TMEM229B: variants seen among roughly 807,000 people sequenced by gnomAD.
TMEM229B encodes the protein transmembrane protein 229B.
TMEM229B carries 6 observed loss-of-function variants against 13.7 expected under a neutral mutation model. That is an observed-to-expected ratio of 0.44 (90% confidence interval 0.24 to 0.86). The LOEUF (loss-of-function observed/expected upper bound fraction) is 0.86. TMEM229B is among the 40% of genes least tolerant of loss of function. The pLI, the probability that TMEM229B is intolerant of heterozygous loss-of-function variation, is 0.23. For synonymous variants in TMEM229B, 107 were observed against 102.1 expected (o/e 1.05, Z -0.29); for missense variants, 170 against 236.0 (o/e 0.72, Z 1.83).
chr14:67,531,309 T>C (rs1355502976), intron 1 of TMEM229B, among the ~76,000 whole-genome samples: 4 of 152,066 alleles, frequency 2.6e-5, no homozygotes. Flanking sequence ...CAACAAAAGT[T>C]GTAACTTGCC....
At chr14:67,517,180 G>C (rs763829906), upstream of TMEM229B, among the ~76,000 whole-genome samples, 22 of 152,158 alleles carry the variant, frequency 1.4e-4, no homozygotes, top group Non-Finnish European at 3.1e-4. Context: ...CTAGCAGCAA[G>C]GCCTACCTGA....
intron 1 of TMEM229B, among the ~76,000 whole-genome samples, chr14:67,530,494 C>G (rs2033428258): frequency 1.3e-5 from 2 of 152,140 alleles, no homozygotes; most frequent in South Asian, 2.1e-4. Context: ...AACATTCCAG[C>G]CTAAACCATG....
At chr14:67,496,216 C>CTATT (rs577563318) in intron 1 of TMEM229B, among the ~76,000 whole-genome samples, 2 of 151,720 alleles carry the variant, frequency 1.3e-5, no homozygotes, top group African/African-American at 2.4e-5. Context: ...AATTTTGTAT[C>CTATT]TATTTATTTA....
At chr14:67,505,637 G>C (rs541748123) in intron 1 of TMEM229B, among the ~76,000 whole-genome samples, 1 of 152,240 alleles carries the variant, frequency 6.6e-6, no homozygotes, top group African/African-American at 2.4e-5. Context: ...TTAGCTGAAA[G>C]AGGCTAGAGG....
At chr14:67,496,391 G>GT (rs555715850) in intron 1 of TMEM229B, among the ~76,000 whole-genome samples, 373 of 30,064 alleles carry the variant, frequency 0.012, 133 homozygotes, top group Non-Finnish European at 0.017. Context: ...CTGCTCCGGC[G>GT]TTTTTTTTTT....
At chr14:67,521,725 G>T (rs776996528) in intron 1 of TMEM229B, among the ~76,000 whole-genome samples, 1 of 152,184 alleles carries the variant, frequency 6.6e-6, no homozygotes. Context: ...ATTAGCACAG[G>T]TTGATAAGAA....
chr14:67,501,860 G>A (rs949802910), intron 1 of TMEM229B, among the ~76,000 whole-genome samples: 10 of 152,218 alleles, frequency 6.6e-5, no homozygotes, highest in Non-Finnish European at 1.3e-4. Context: ...GCACATTCAC[G>A]TTTCTATGGT....
chr14:67,491,411 G>T (rs1202530713), upstream of TMEM229B, among the ~76,000 whole-genome samples: 3 of 152,136 alleles, frequency 2.0e-5, no homozygotes, highest in Non-Finnish European at 4.4e-5. Context: ...GGTCTTTCTG[G>T]AGACTGGCTC....
intron 1 of TMEM229B, among the ~76,000 whole-genome samples, chr14:67,528,192 A>T (rs1269840595): frequency 6.6e-6 from 1 of 152,168 alleles, no homozygotes; most frequent in Non-Finnish European, 1.5e-5. Context: ...AATAACAACC[A>T]GCATCTACTG....
At chr14:67,491,239 G>T (rs1165232172), upstream of TMEM229B, among the ~76,000 whole-genome samples, 1 of 152,136 alleles carries the variant, frequency 6.6e-6, no homozygotes, top group African/African-American at 2.4e-5. Flanking sequence ...GATGGATAGG[G>T]TGACGTATTG....
upstream of TMEM229B, among the ~76,000 whole-genome samples, chr14:67,519,740 T>C (rs910747901): frequency 5.3e-5 from 8 of 151,866 alleles, no homozygotes; most frequent in African/African-American, 1.9e-4. Flanking sequence ...ACTTTTTTTT[T>C]GAGACAGGTT....
chr14:67,470,505 C>T lies in TMEM229B; in HGVS notation c.*2915G>A, dbSNP rs116986373. ...GGAAGGCACTCTCCCTGCCATGGCT[C>T]CCCTAAGGGCTGGGCCTCTAACCTG... On this transcript the variant is annotated 3_prime_UTR_variant, in exon 3 of 3. Coordinates refer to ENST00000554480, the MANE Select transcript of TMEM229B (RefSeq NM_001348543.2). 299 of 152,662 alleles carry T rather than the reference C, an allele frequency of 2.0e-3. 11 individuals are homozygous for T. The East Asian group carries it at 0.055, about 28-fold the overall frequency. The allele number at this position is 152,662 out of a possible 1,614,324, so 9.5% of individuals were successfully genotyped here.
intron 1 of TMEM229B, among the ~76,000 whole-genome samples, chr14:67,500,913 A>G (rs1313999740): frequency 6.6e-6 from 1 of 151,956 alleles, no homozygotes; most frequent in South Asian, 2.1e-4. Flanking sequence ...CAAAGCAGCT[A>G]TAAGAATTAA....
intron 1 of TMEM229B, among the ~76,000 whole-genome samples, chr14:67,508,988 T>A (rs983546881): frequency 3.9e-5 from 6 of 151,920 alleles, no homozygotes; most frequent in Non-Finnish European, 7.4e-5. Context: ...GCCCAGAAAC[T>A]AGGTTGGAGG....
intron 1 of TMEM229B, chr14:67,533,433 T>A (rs2033542024): frequency 6.6e-6 from 1 of 151,702 alleles, no homozygotes; most frequent in African/African-American, 2.4e-5. Flanking sequence ...TGTGGTGGGC[T>A]GGGGCTGCGC....
At chr14:67,476,455 CATGCA>C in intron 2 of TMEM229B, among the ~76,000 whole-genome samples, 1 of 151,978 alleles carries the variant, frequency 6.6e-6, no homozygotes, top group Non-Finnish European at 1.5e-5. Context: ...GGTGTGGTGG[CATGCA>C]CCTGTAGTCT....
intron 2 of TMEM229B, among the ~76,000 whole-genome samples, chr14:67,477,882 C>T (rs751380262): frequency 1.3e-5 from 2 of 152,212 alleles, no homozygotes; most frequent in Non-Finnish European, 2.9e-5. Flanking sequence ...CCAGCGGTCT[C>T]AAAGTCTGTC....
intron 1 of TMEM229B, among the ~76,000 whole-genome samples, chr14:67,513,784 G>C (rs1046890893): frequency 6.6e-6 from 1 of 152,058 alleles, no homozygotes; most frequent in Admixed American, 6.5e-5. Context: ...CTTCCAAACA[G>C]GGAAAAAAAT....
At chr14:67,516,033 G>A (rs1204618880), upstream of TMEM229B, among the ~76,000 whole-genome samples, 1 of 152,216 alleles carries the variant, frequency 6.6e-6, no homozygotes, top group Admixed American at 6.5e-5. Flanking sequence ...TCTTTTATTG[G>A]GAGGTGGAAA....
Sources: allele counts gnomAD v4.1 joint callset (sites outside exome capture counted in the v4.1 genomes callset), GRCh38; gene constraint gnomAD v4.1.1; transcripts MANE v1.5; gene names NCBI Gene and HGNC (gene_info 2026-07-23, HGNC 2026-07-21).